The following ZBTB8B variants were observed in gnomAD, a reference collection of about 807,000 sequenced individuals.
ZBTB8B encodes the protein zinc finger and BTB domain containing 8B.
ZBTB8B carries 17 observed loss-of-function variants against 30.3 expected under a neutral mutation model. The ratio of observed to expected loss-of-function variants is 0.56; its 90% CI spans 0.38 to 0.84. ZBTB8B has a LOEUF of 0.84. Ranked by LOEUF, ZBTB8B falls within the 40% of genes least tolerant of loss-of-function variation. The pLI, the probability that ZBTB8B is intolerant of heterozygous loss-of-function variation, is 0.00. For synonymous variants in ZBTB8B, 248 were observed against 255.6 expected (o/e 0.97, Z 0.28); for missense variants, 515 against 644.9 (o/e 0.80, Z 2.18).
At position 32,488,250 on chromosome 1, in the gene ZBTB8B, T is replaced by C. The variant is rs1214716399; in HGVS notation, c.*2832T>C. The C allele has an allele frequency of 1.3e-5, 2 of 152,130 alleles. No homozygotes were observed. Among genetic ancestry groups the C allele is most frequent in the East Asian group, 1.9e-4 (1 of 5,198 alleles). The allele number at this position is 152,130 out of a possible 1,614,324, so 9.4% of individuals were successfully genotyped here. On this transcript the variant is annotated 3_prime_UTR_variant, in exon 4 of 4. Transcript: ENST00000609129. ...GAAACTGTCTCCAAAAATGTATACA[T>C]ATATTTGCTGTTATTTTAAAAGAGG...
intron 2 of ZBTB8B, among the ~76,000 whole-genome samples, chr1:32,474,871 A>G (rs1643651119): frequency 6.6e-6 from 1 of 152,270 alleles, no homozygotes. Context: ...TTAAACAAAC[A>G]GTGAAAGCAA....
At chr1:32,479,459 G>A (rs900734006) in intron 2 of ZBTB8B, among the ~76,000 whole-genome samples, 2 of 152,106 alleles carry the variant, frequency 1.3e-5, no homozygotes, top group African/African-American at 2.4e-5. Flanking sequence ...GGAGGTGGAG[G>A]TTGCAGTGAG....
chr1:32,471,719 A>C, intron 2 of ZBTB8B, 104 bp downstream of exon 2: 1 of 1,284,486 alleles, frequency 7.8e-7, no homozygotes, highest in Non-Finnish European at 1.1e-6. Context: ...CATCATTGTC[A>C]CTACCAACAT....
At position 32,471,011 on chromosome 1, in the gene ZBTB8B, G is replaced by A; in HGVS notation, c.387G>A (p.Glu129=). ...RSSLDICRKM[E]KEAAVAAAVA... ...CCCTCGACATTTGCCGAAAGATGGAGAAGGAGGCTGCTGTGGCTGCAGCAG... is the reference window on the plus strand; with the variant it reads ...CCCTCGACATTTGCCGAAAGATGGAAAAGGAGGCTGCTGTGGCTGCAGCAG... Residue 129 remains glutamate, a synonymous_variant, in exon 2 of 4, where the codon GAG becomes GAA. Transcript: ENST00000609129. The A allele has an allele frequency of 6.4e-7, 1 of 1,552,144 alleles. No individual in the cohort carries two copies. Among genetic ancestry groups the A allele is most frequent in the Non-Finnish European group, 8.7e-7 (1 of 1,147,086 alleles).
In ZBTB8B at chr1:32,485,112, C is replaced by T; in HGVS notation, c.1182C>T (p.Ser394=). 1 of 1,551,906 alleles carries T rather than the reference C, an allele frequency of 6.4e-7. No individual in the cohort carries two copies. The highest frequency in any genetic ancestry group is 2.4e-5 in the East Asian group (1 of 40,910). ...GCTTGTGATTACAGGTCCACAGATC[C>T]AACCGTCCAATCATCTGCAAGGGCT... is the stretch of plus-strand genomic sequence containing the variant. ...LRSHALSVHR[S]NRPIICKGCR... The change falls in exon 4 of 4, where the codon TCC becomes TCT. Residue 394 remains serine, a synonymous_variant. Transcript: ENST00000609129.
intron 1 of ZBTB8B, among the ~76,000 whole-genome samples, chr1:32,469,879 G>T (rs1376257658): frequency 6.6e-6 from 1 of 152,012 alleles, no homozygotes; most frequent in African/African-American, 2.4e-5. Context: ...TAGATCCAAA[G>T]CAGACCATAT....
intron 1 of ZBTB8B, among the ~76,000 whole-genome samples, chr1:32,469,634 G>T (rs1643600785): frequency 6.6e-6 from 1 of 152,140 alleles, no homozygotes; most frequent in African/African-American, 2.4e-5. Flanking sequence ...TAGAGCATTG[G>T]CTCTGGAGGC....
At chr1:32,485,012 G>A in intron 3 of ZBTB8B, 89 bp from the exon 4 acceptor site, 1 of 1,297,006 alleles carries the variant, frequency 7.7e-7, no homozygotes, top group Non-Finnish European at 1.1e-6. Flanking sequence ...GAATCGGGAG[G>A]ATCAGGCAGG....
rs1171454941 is a variant in ZBTB8B, at chr1:32,496,004, T to C, written c.*10586T>C. 6.6e-6 allele frequency: 1 copy of C among 152,196 alleles called. No homozygotes were observed. Among genetic ancestry groups the C allele is most frequent in the South Asian group, 2.1e-4 (1 of 4,832 alleles). The allele number at this position is 152,196 out of a possible 1,614,324, so 9.4% of individuals were successfully genotyped here. ...TTTTTCTCAGGGCAATTATTTTATA[T>C]AAAATTCTAATGGAGAATTTTATGG... is the stretch of plus-strand genomic sequence containing the variant. On this transcript the variant is annotated 3_prime_UTR_variant, in exon 4 of 4. Transcript: ENST00000609129.
intron 1 of ZBTB8B, among the ~76,000 whole-genome samples, chr1:32,467,099 G>C (rs1643577202): frequency 6.6e-6 from 1 of 152,160 alleles, no homozygotes; most frequent in Non-Finnish European, 1.5e-5. Context: ...CGAGGCGGCA[G>C]TGAACTGTGA....
chr1:32,485,536 A>G lies in ZBTB8B; in HGVS notation c.*118A>G. On this transcript the variant is annotated 3_prime_UTR_variant, in exon 4 of 4. Coordinates refer to ENST00000609129, the MANE Select transcript of ZBTB8B (RefSeq NM_001145720.2). Reference sequence around the variant, plus strand: ...AGAGGAACATTTTTTCACTGTTATTATATGTGCATTTTTATTAGACTATCT... The same window carrying G: ...AGAGGAACATTTTTTCACTGTTATTGTATGTGCATTTTTATTAGACTATCT... 9.7e-7 allele frequency: 1 copy of G among 1,030,566 alleles called. No individual in the cohort carries two copies. Among genetic ancestry groups the G allele is most frequent in the Admixed American group, 2.7e-5 (1 of 36,938 alleles). The allele number at this position is 1,030,566 out of a possible 1,614,324, so 63.8% of individuals were successfully genotyped here.
intron 3 of ZBTB8B, among the ~76,000 whole-genome samples, chr1:32,481,374 G>A (rs887754263): frequency 6.6e-6 from 1 of 152,156 alleles, no homozygotes; most frequent in East Asian, 1.9e-4. Context: ...GCTCAGACAG[G>A]ATTGTGGATC....
chr1:32,475,572 C>T (rs1360774449), intron 2 of ZBTB8B, among the ~76,000 whole-genome samples: 3 of 151,986 alleles, frequency 2.0e-5, no homozygotes, highest in African/African-American at 4.8e-5. Flanking sequence ...GGCAACAAAG[C>T]GAGACTGTCT....
In ZBTB8B at chr1:32,481,062, C is replaced by T. The variant is rs1570260936; in HGVS notation, c.1163C>T (p.Ala388Val). The change falls in exon 3 of 4, where the codon GCA becomes GTA. Residue 388 changes from alanine to valine, a missense_variant. Transcript: ENST00000609129. ...FTRQEHLRSH[A>V]LSVHRSNRPI... ...CGACAAGAGCACCTGCGGAGCCACGCACTGAGTGTAAGTGTTCGAGCTGGC... is the reference window on the plus strand; with the variant it reads ...CGACAAGAGCACCTGCGGAGCCACGTACTGAGTGTAAGTGTTCGAGCTGGC... 2 of 1,551,086 alleles carry T rather than the reference C, an allele frequency of 1.3e-6. No homozygotes were observed. Among genetic ancestry groups the T allele is most frequent in the East Asian group, 4.9e-5 (2 of 40,920 alleles).
Position 32,470,924 on chromosome 1 carries a change from G to A in ZBTB8B, c.300G>A (p.Ser100=), listed in dbSNP as rs1218113068. The change falls in exon 2 of 4, where the codon TCG becomes TCA. Residue 100 remains serine, a synonymous_variant. Coordinates refer to ENST00000609129, the MANE Select transcript of ZBTB8B (RefSeq NM_001145720.2). ...LCGENVIEVM[S]AASYLQMNDV... ...GGGAGAATGTGATTGAAGTGATGTCGGCTGCCAGCTACCTGCAGATGAATG... is the reference window on the plus strand; with the variant it reads ...GGGAGAATGTGATTGAAGTGATGTCAGCTGCCAGCTACCTGCAGATGAATG... 2.4e-5 allele frequency: 37 copies of A among 1,552,038 alleles called. No individual in the cohort carries two copies. The highest frequency in any genetic ancestry group is 3.1e-5 in the Non-Finnish European group (36 of 1,147,106).
chr1:32,485,506 C>A lies in ZBTB8B; in HGVS notation c.*88C>A, dbSNP rs41311213. On this transcript the variant is annotated 3_prime_UTR_variant, in exon 4 of 4. Coordinates refer to ENST00000609129, the MANE Select transcript of ZBTB8B (RefSeq NM_001145720.2). ...ATACCATTTGTCCAATTTTGTGGAA[C>A]CCTGAGAGGAACATTTTTTCACTGT... The A allele has an allele frequency of 1.5e-5, 19 of 1,300,792 alleles. No homozygotes were observed. In the African/African-American group the frequency reaches 2.5e-4, roughly 17 times the overall value. The allele number at this position is 1,300,792 out of a possible 1,614,324, so 80.6% of individuals were successfully genotyped here.
At chr1:32,481,496 C>T (rs71646383) in intron 3 of ZBTB8B, among the ~76,000 whole-genome samples, 2,748 of 152,130 alleles carry the variant, frequency 0.018, 43 homozygotes, top group Non-Finnish European at 0.026. Context: ...TACCTGTGGG[C>T]AGCAGACAAA....
At position 32,490,404 on chromosome 1, in the gene ZBTB8B, C is replaced by A. The variant is rs1643771541; in HGVS notation, c.*4986C>A. On this transcript the variant is annotated 3_prime_UTR_variant, in exon 4 of 4. Transcript: ENST00000609129. ...TGATGGGCACTGTTTTCATTGATTTCTGTTGCTTTTGTAGTTCTCTCCACT... is the reference window on the plus strand; with the variant it reads ...TGATGGGCACTGTTTTCATTGATTTATGTTGCTTTTGTAGTTCTCTCCACT... 6.6e-6 allele frequency: 1 copy of A among 152,130 alleles called. No homozygotes were observed. Among genetic ancestry groups the A allele is most frequent in the African/African-American group, 2.4e-5 (1 of 41,438 alleles). The allele number at this position is 152,130 out of a possible 1,614,324, so 9.4% of individuals were successfully genotyped here. A position where few individuals can be genotyped will look rare whatever the true frequency, so the allele number is the denominator to read the frequency against.
In ZBTB8B at chr1:32,480,890, G is replaced by A. The variant is rs1486166702; in HGVS notation, c.992-1G>A. On this transcript the variant is annotated splice_acceptor_variant, in intron 2 of 3. Transcript: ENST00000609129. LOFTEE classifies it high-confidence loss of function. Reference sequence around the variant, plus strand: ...CTAAATGAAAGCATTTGGTTCCCCAGGTGATGTGCTGGTGGTCCCCATCAA... The same window carrying A: ...CTAAATGAAAGCATTTGGTTCCCCAAGTGATGTGCTGGTGGTCCCCATCAA... 6.4e-7 allele frequency: 1 copy of A among 1,551,036 alleles called. No individual in the cohort carries two copies. The highest frequency in any genetic ancestry group is 1.2e-5 in the South Asian group (1 of 83,818).
Sources: allele counts gnomAD v4.1 joint callset (sites outside exome capture counted in the v4.1 genomes callset), GRCh38; gene constraint gnomAD v4.1.1; transcripts MANE v1.5; gene names NCBI Gene and HGNC (gene_info 2026-07-23, HGNC 2026-07-21).